The following RC3H1 variants were observed in gnomAD, a reference collection of about 807,000 sequenced individuals.
RC3H1 encodes ring finger and CCCH-type domains 1, also known as roquin-1.
In RC3H1, 50 loss-of-function variants were observed where a neutral mutation model predicts 138.2. The observed-to-expected ratio is 0.36, with a 90% confidence interval of 0.29 to 0.46. RC3H1 has a LOEUF of 0.46. Ranked by LOEUF, RC3H1 falls within the 20% of genes least tolerant of loss-of-function variation. The pLI, the probability that RC3H1 is intolerant of heterozygous loss-of-function variation, is 1.00. For synonymous variants in RC3H1, 462 were observed against 489.1 expected, an observed-to-expected ratio of 0.94 and a Z score of 0.73; for missense variants, 1,031 against 1,388.1, an observed-to-expected ratio of 0.74 and a Z score of 4.09.
intron 14 of RC3H1, among the ~76,000 whole-genome samples, chr1:173,950,484 G>A (rs942546550): frequency 1.2e-4 from 18 of 150,464 alleles, no homozygotes; most frequent in African/African-American, 4.5e-4. Context: ...AGCTACTTGG[G>A]AGGGTGAGGT....
chr1:173,989,757 T>A (rs12086246), intron 2 of RC3H1, among the ~76,000 whole-genome samples: 6,464 of 142,772 alleles, frequency 0.045, 506 homozygotes, highest in African/African-American at 0.16. Context: ...TCTCGCTCTG[T>A]CGCCCAGGCC....
chr1:174,015,526 G>A (rs957934457), intron 1 of RC3H1, among the ~76,000 whole-genome samples: 7 of 151,638 alleles, frequency 4.6e-5, no homozygotes, highest in Admixed American at 1.3e-4. Flanking sequence ...CACCATGCCC[G>A]GCTAATTTTT....
intron 1 of RC3H1, among the ~76,000 whole-genome samples, chr1:173,996,923 T>C (rs183579442): frequency 6.6e-6 from 1 of 152,182 alleles, no homozygotes; most frequent in Non-Finnish European, 1.5e-5. Flanking sequence ...CTGTTTTTTT[T>C]TTGGGTAACA....
chr1:173,963,356 C>T lies in RC3H1; in HGVS notation c.1831+617G>A, dbSNP rs180887463. On this transcript the variant is annotated intron_variant, in intron 11 of 19. Transcript: ENST00000367696. ...GATTCCTCAAGTTCTCAATGATCTC[C>T]CTTGAGTCTTTCAGTCAATCTCTAT... Among the ~76,000 whole-genome samples the T allele has an allele frequency of 1.9e-3, 283 of 152,180 alleles. 3 individuals carry two copies. Among genetic ancestry groups the T allele is most frequent in the African/African-American group, 6.7e-3 (277 of 41,522 alleles).
At chr1:173,949,955 T>C (rs1571175400) in intron 14 of RC3H1, among the ~76,000 whole-genome samples, 1 of 151,952 alleles carries the variant, frequency 6.6e-6, no homozygotes, top group Non-Finnish European at 1.5e-5. Flanking sequence ...GCACCTGAAG[T>C]CAGGAGTTCG....
chr1:174,016,857 G>GA (rs1019902446), intron 1 of RC3H1, among the ~76,000 whole-genome samples: 77 of 141,568 alleles, frequency 5.4e-4, no homozygotes, highest in Admixed American at 7.0e-4. Flanking sequence ...ATTCTAGAAA[G>GA]AAAAAAAAAA....
chr1:173,983,652 C>T lies in RC3H1; in HGVS notation c.358G>A (p.Gly120Ser), dbSNP rs1029835699. The T allele has an allele frequency of 1.9e-6, 3 of 1,613,882 alleles. No individual in the cohort carries two copies. The highest frequency in any genetic ancestry group is 2.5e-6 in the Non-Finnish European group (3 of 1,179,940). Residue 120 changes from glycine (G) to serine (S), a missense_variant, in exon 4 of 20, where the codon GGT becomes AGT. Physicochemically the swap from Gly to Ser is moderately conservative, Grantham distance 56. This residue lies in a region of RC3H1 where 80 missense variants were observed against 81.1 expected (regional missense o/e 0.99). Coordinates refer to ENST00000367696, the MANE Select transcript of RC3H1 (RefSeq NM_172071.4). Reference sequence around the variant, plus strand: ...ACACTCTGAGTAGTGCTGTTCAGACCCACTCCTTTAAAAGAGTAAAGAAGT... The same window carrying T: ...ACACTCTGAGTAGTGCTGTTCAGACTCACTCCTTTAAAAGAGTAAAGAAGT... The part of the protein sequence containing the change: ...LKPLSSARGV[G>S]LNSTTQSVLS...
intron 8 of RC3H1, 44 bp from the exon 9 acceptor site, chr1:173,970,661 A>G (rs1318989082): frequency 2.5e-6 from 3 of 1,213,854 alleles, no homozygotes; most frequent in Non-Finnish European, 3.6e-6. Flanking sequence ...AACCCCCCAC[A>G]AAAAAACATA....
At chr1:173,942,325 C>G (rs1324543934) in intron 18 of RC3H1, among the ~76,000 whole-genome samples, 1 of 144,336 alleles carries the variant, frequency 6.9e-6, no homozygotes, top group Admixed American at 7.1e-5. Context: ...CCCAGCTACT[C>G]GGGAGACTGA....
chr1:173,961,915 T>A lies in RC3H1; in HGVS notation c.2012A>T (p.Asp671Val), dbSNP rs1194394956. Residue 671 changes from aspartate to valine, a missense_variant, in exon 12 of 20, where the codon GAT becomes GTT. Physicochemically the swap from Asp to Val is radical, Grantham distance 152 (BLOSUM62 -3). This residue lies in a region of RC3H1 where 716 missense variants were observed against 837.9 expected (regional missense o/e 0.85). Transcript: ENST00000367696. ...QYPPIYPSHYDGRRVYPAPSY... is the reference protein window; with the variant it reads ...QYPPIYPSHYVGRRVYPAPSY... Reference sequence around the variant, plus strand: ...CGGAGCAGGGTACACTCGACGGCCATCATAGTGAGATGGGTATATAGGTGG... The same window carrying A: ...CGGAGCAGGGTACACTCGACGGCCAACATAGTGAGATGGGTATATAGGTGG... The A allele has an allele frequency of 6.2e-7, 1 of 1,614,118 alleles. No individual in the cohort carries two copies. Among genetic ancestry groups the A allele is most frequent in the Non-Finnish European group, 8.5e-7 (1 of 1,180,006 alleles).
rs1372040688 is a variant in RC3H1 at position 173,933,502 on chromosome 1, A to T, written c.*5219T>A. 1 of 152,148 alleles carries T rather than the reference A, an allele frequency of 6.6e-6. No individual in the cohort carries two copies. Among genetic ancestry groups the T allele is most frequent in the Non-Finnish European group, 1.5e-5 (1 of 67,972 alleles). 9.4% of individuals were successfully genotyped at this position (152,148 alleles called of 1,614,324 possible). A position where few individuals can be genotyped will look rare whatever the true frequency, so the allele number is the denominator to read the frequency against. On this transcript the variant is annotated 3_prime_UTR_variant, in exon 20 of 20. Transcript: ENST00000367696. ...AAGATCTTTAGTGAACACAGAAATA[A>T]AATCTTAAAAATTCAAATCTTAAGA...
chr1:173,991,005 G>A (rs1490872061), intron 2 of RC3H1, among the ~76,000 whole-genome samples: 1 of 152,170 alleles, frequency 6.6e-6, no homozygotes, highest in Admixed American at 6.5e-5. Flanking sequence ...CGAGACAGGT[G>A]GATCACTTGA....
chr1:173,967,351 T>C (rs1002284112), intron 9 of RC3H1, among the ~76,000 whole-genome samples: 1 of 152,128 alleles, frequency 6.6e-6, no homozygotes, highest in Non-Finnish European at 1.5e-5. Flanking sequence ...TATGAACATG[T>C]ACTTGCACCC....
chr1:173,965,183 T>G, intron 9 of RC3H1, 63 bp from the exon 10 acceptor site: 1 of 1,363,912 alleles, frequency 7.3e-7, no homozygotes. Flanking sequence ...AGAACTAAAA[T>G]GTACTTAATA....
At chr1:173,946,091 C>T (rs1436940344) in intron 17 of RC3H1, among the ~76,000 whole-genome samples, 1 of 151,896 alleles carries the variant, frequency 6.6e-6, no homozygotes, top group African/African-American at 2.4e-5. Context: ...ATTGCATGAA[C>T]CCAGGAGGTG....
intron 12 of RC3H1, 126 bp downstream of exon 12, chr1:173,961,599 A>T: frequency 1.0e-6 from 1 of 995,206 alleles, no homozygotes. Flanking sequence ...AAAAGATTTA[A>T]AAAAAAAAGA....
At chr1:173,971,349 C>A (rs1660352493) in intron 8 of RC3H1, among the ~76,000 whole-genome samples, 1 of 152,084 alleles carries the variant, frequency 6.6e-6, no homozygotes, top group African/African-American at 2.4e-5. Flanking sequence ...TTGTTTTGTA[C>A]AATGTTCAAT....
intron 17 of RC3H1, among the ~76,000 whole-genome samples, chr1:173,945,707 A>C (rs1659103432): frequency 1.3e-5 from 2 of 150,152 alleles, no homozygotes; most frequent in Non-Finnish European, 3.0e-5. Context: ...TTTTAAGTCA[A>C]AGTTCTGTTT....
chr1:174,006,004 AAGAC>A (rs1661646351), intron 1 of RC3H1, among the ~76,000 whole-genome samples: 1 of 152,068 alleles, frequency 6.6e-6, no homozygotes. Context: ...TCAGGAGTTC[AAGAC>A]CAACCTGGCC....
Sources: allele counts gnomAD v4.1 joint callset (sites outside exome capture counted in the v4.1 genomes callset), GRCh38; gene constraint gnomAD v4.1.1; regional missense constraint gnomAD v4.1.1; transcripts MANE v1.5; gene names NCBI Gene and HGNC (gene_info 2026-07-23, HGNC 2026-07-21).